The following DNAH11 variants were observed in gnomAD, a reference collection of about 807,000 sequenced individuals.
DNAH11 encodes the protein dynein axonemal heavy chain 11.
A neutral mutation model predicts 526.0 loss-of-function variants in DNAH11; 442 were observed. The observed-to-expected ratio is 0.84, with a 90% confidence interval of 0.78 to 0.91. The LOEUF (loss-of-function observed/expected upper bound fraction) is 0.91. Ranked by LOEUF, DNAH11 falls within the 40% of genes least tolerant of loss-of-function variation. DNAH11 has a pLI of 0.00. For synonymous variants in DNAH11, 2,461 were observed against 1,935.9 expected (o/e 1.27, Z -7.12); for missense variants, 6,989 against 5,448.7 (o/e 1.28, Z -8.90).
chr7:21,711,408 G>C (rs1784459805), intron 41 of DNAH11, among the ~76,000 whole-genome samples: 1 of 152,170 alleles, frequency 6.6e-6, no homozygotes, highest in Admixed American at 6.5e-5. Flanking sequence ...CTAAAGAAAA[G>C]TTTATGGTAT....
intron 35 of DNAH11, among the ~76,000 whole-genome samples, chr7:21,692,677 G>A (rs1344188899): frequency 6.6e-6 from 1 of 152,144 alleles, no homozygotes; most frequent in Non-Finnish European, 1.5e-5. Flanking sequence ...ATTTCTTTGG[G>A]ACAGATATCT....
At chr7:21,683,147 C>A (rs532354434) in intron 31 of DNAH11, among the ~76,000 whole-genome samples, 2 of 152,212 alleles carry the variant, frequency 1.3e-5, no homozygotes, top group African/African-American at 4.8e-5. Context: ...AATGCTGAAA[C>A]CTGTGTAGTC....
intron 65 of DNAH11, among the ~76,000 whole-genome samples, chr7:21,831,495 C>T (rs1002208709): frequency 3.3e-5 from 5 of 152,160 alleles, no homozygotes. Flanking sequence ...AATTTACTAT[C>T]CCTGGGAAAT....
At chr7:21,701,159 C>G (rs1487848035) in intron 36 of DNAH11, among the ~76,000 whole-genome samples, 3 of 152,150 alleles carry the variant, frequency 2.0e-5, no homozygotes, top group African/African-American at 4.8e-5. Context: ...CTCTTCAAGC[C>G]TCAGCCTACT....
chr7:21,780,869 C>G (rs993788508), intron 57 of DNAH11, among the ~76,000 whole-genome samples: 1 of 152,128 alleles, frequency 6.6e-6, no homozygotes, highest in Non-Finnish European at 1.5e-5. Context: ...GCAGGGGTCT[C>G]TCATGTAGAT....
chr7:21,616,120 T>A (rs1433597825), intron 21 of DNAH11, 89 bp from the exon 22 acceptor site: 1 of 946,862 alleles, frequency 1.1e-6, no homozygotes, highest in Non-Finnish European at 1.7e-6. Context: ...ATGATAGAGT[T>A]ACAGTGTATC....
At chr7:21,564,431 T>G in intron 6 of DNAH11, 34 bp downstream of exon 6, 2 of 1,545,386 alleles carry the variant, frequency 1.3e-6, no homozygotes, top group Non-Finnish European at 1.8e-6. Flanking sequence ...ACAATAAGAA[T>G]TGTTGCTGTG....
Position 21,681,561 on chromosome 7 carries a change from A to G in DNAH11, c.5344A>G (p.Thr1782Ala). ...FHKKQISQLN[T>A]LITLLLGELP... ...TTCCTTCTAGATTTCTCAGCTGAAT[A>G]CACTGATTACACTTTTGCTGGGAGA... The change falls in exon 31 of 82, where the codon ACA (threonine) becomes GCA (alanine). Residue 1782 changes from threonine (T) to alanine (A), a missense_variant. Coordinates refer to ENST00000409508, the MANE Select transcript of DNAH11 (RefSeq NM_001277115.2). The G allele has an allele frequency of 6.2e-7, 1 of 1,613,826 alleles. No individual in the cohort carries two copies. Among genetic ancestry groups the G allele is most frequent in the Non-Finnish European group, 8.5e-7 (1 of 1,179,732 alleles).
At chr7:21,578,113 A>T (rs1784169753) in intron 8 of DNAH11, among the ~76,000 whole-genome samples, 1 of 152,176 alleles carries the variant, frequency 6.6e-6, no homozygotes, top group South Asian at 2.1e-4. Context: ...CAAAGGGAGA[A>T]GTGCCACATA....
In DNAH11 at chr7:21,873,419, T is replaced by C. The variant is rs1279212008; in HGVS notation, c.12113T>C (p.Leu4038Pro). 2 of 1,613,994 alleles carry C rather than the reference T, an allele frequency of 1.2e-6. No individual in the cohort carries two copies. The change falls in exon 74 of 82, where the codon CTG becomes CCG. Residue 4038 changes from leucine (L) to proline (P), a missense_variant. Physicochemically the swap from Leu to Pro is moderately conservative, Grantham distance 98. Coordinates refer to ENST00000409508, the MANE Select transcript of DNAH11 (RefSeq NM_001277115.2). ...PDEHIIPQGL[L>P]ENSIKITNEP... ...GAGCATATCATCCCTCAAGGACTCC[T>C]GGAAAATTCCATTAAGATCACTAAT...
At chr7:21,805,400 A>G (rs1294444155) in intron 62 of DNAH11, among the ~76,000 whole-genome samples, 1 of 152,118 alleles carries the variant, frequency 6.6e-6, no homozygotes, top group Admixed American at 6.6e-5. Flanking sequence ...GGCATGTCAT[A>G]GGCATCACTA....
intron 42 of DNAH11, among the ~76,000 whole-genome samples, chr7:21,714,399 C>T (rs1047746707): frequency 3.3e-5 from 5 of 152,156 alleles, no homozygotes; most frequent in African/African-American, 1.2e-4. Flanking sequence ...TTTGTATTTT[C>T]ACCTCCCATT....
chr7:21,852,233 C>T (rs533644584), intron 66 of DNAH11, among the ~76,000 whole-genome samples: 30 of 151,766 alleles, frequency 2.0e-4, no homozygotes, highest in African/African-American at 6.5e-4. Flanking sequence ...GGTGAAACCC[C>T]GTCTCTACTA....
intron 30 of DNAH11, among the ~76,000 whole-genome samples, chr7:21,662,144 T>C (rs748747961): frequency 6.6e-6 from 1 of 152,112 alleles, no homozygotes; most frequent in East Asian, 1.9e-4. Context: ...AATAGTGTTT[T>C]AGTTTATGTG....
chr7:21,650,317 C>T (rs932273304), intron 28 of DNAH11, among the ~76,000 whole-genome samples: 1 of 152,010 alleles, frequency 6.6e-6, no homozygotes, highest in Non-Finnish European at 1.5e-5. Flanking sequence ...ATTGCATGTT[C>T]ATTATTGAAC....
chr7:21,809,586 G>A (rs1026413469), intron 63 of DNAH11, among the ~76,000 whole-genome samples: 2 of 151,762 alleles, frequency 1.3e-5, no homozygotes, highest in East Asian at 1.9e-4. Context: ...TTTTTGAGAC[G>A]GAGTTTCCCT....
intron 9 of DNAH11, among the ~76,000 whole-genome samples, chr7:21,582,919 G>A (rs764157208): frequency 4.6e-5 from 7 of 152,046 alleles, no homozygotes; most frequent in East Asian, 1.9e-4. Flanking sequence ...AGAAGACACC[G>A]GCGTTCTCTG....
chr7:21,841,098 G>A (rs1341467958), intron 65 of DNAH11, among the ~76,000 whole-genome samples: 1 of 152,070 alleles, frequency 6.6e-6, no homozygotes, highest in East Asian at 1.9e-4. Context: ...GCACAAGAAT[G>A]ACTTGAACCC....
chr7:21,584,469 C>T (rs1336117480), intron 9 of DNAH11, among the ~76,000 whole-genome samples: 1 of 152,056 alleles, frequency 6.6e-6, no homozygotes, highest in Non-Finnish European at 1.5e-5. Flanking sequence ...AGGAGAAATA[C>T]CCAATGTAGA....
Sources: gnomAD v4.1 joint callset for allele counts (sites outside exome capture counted in the v4.1 genomes callset) on GRCh38, gnomAD v4.1.1 for gene constraint, MANE v1.5 for transcripts, NCBI Gene and HGNC (gene_info 2026-07-23, HGNC 2026-07-21) for gene names.